The following NDRG3 variants were observed in gnomAD, a reference collection of about 807,000 sequenced individuals.
NDRG3 encodes NDRG family member 3, also known as protein NDRG3.
In NDRG3, 23 loss-of-function variants were observed where a neutral mutation model predicts 57.2. The observed-to-expected ratio is 0.40, with a 90% CI of 0.29 to 0.57. The LOEUF (loss-of-function observed/expected upper bound fraction) is 0.57. NDRG3 is among the 20% of genes least tolerant of loss of function. The pLI, the probability that NDRG3 is intolerant of heterozygous loss-of-function variation, is 0.42. For synonymous variants in NDRG3, 132 were observed against 162.6 expected (o/e 0.81, Z 1.43); for missense variants, 384 against 457.3 (o/e 0.84, Z 1.46).
intron 9 of NDRG3, among the ~76,000 whole-genome samples, chr20:36,670,599 A>G (rs959557415): frequency 6.6e-6 from 1 of 152,184 alleles, no homozygotes; most frequent in Non-Finnish European, 1.5e-5. Flanking sequence ...AGAACCATGT[A>G]AAAAACAACT....
intron 8 of NDRG3, among the ~76,000 whole-genome samples, chr20:36,680,344 G>A (rs371260224): frequency 1.5e-4 from 23 of 151,756 alleles, no homozygotes; most frequent in African/African-American, 4.6e-4. Context: ...AAAATTAGCC[G>A]GGCATGGTGG....
chr20:36,662,285 T>G (rs8184133), intron 12 of NDRG3, among the ~76,000 whole-genome samples: 3 of 151,598 alleles, frequency 2.0e-5, no homozygotes, highest in Admixed American at 6.6e-5. Context: ...TGGGGTGCAG[T>G]GGCACGATCT....
chr20:36,732,868 C>T (rs191939108), intron 1 of NDRG3, among the ~76,000 whole-genome samples: 14 of 151,840 alleles, frequency 9.2e-5, no homozygotes, highest in African/African-American at 2.2e-4. Context: ...ATTGCTTTGG[C>T]GAGGCAAGGT....
At chr20:36,656,271 T>TA (rs1241076193) in intron 15 of NDRG3, 89 bp downstream of exon 15, 1 of 1,282,760 alleles carries the variant, frequency 7.8e-7, no homozygotes, top group African/African-American at 1.5e-5. Flanking sequence ...CCACAGAGGT[T>TA]ATATCTCAAG....
chr20:36,702,887 C>T (rs1983326883), intron 3 of NDRG3, among the ~76,000 whole-genome samples: 2 of 151,958 alleles, frequency 1.3e-5, no homozygotes, highest in Admixed American at 1.3e-4. Context: ...TTTCTCCATG[C>T]TGGTCAGGCT....
Position 36,656,496 on chromosome 20 carries a change from C to T in NDRG3, c.894+1G>A. 2 of 1,614,138 alleles carry T rather than the reference C, an allele frequency of 1.2e-6. No homozygotes were observed. The highest frequency in any genetic ancestry group is 1.7e-6 in the Non-Finnish European group (2 of 1,179,988). On this transcript the variant is annotated splice_donor_variant, in intron 14 of 15. Transcript: ENST00000349004. LOFTEE classifies it high-confidence loss of function. ...GGGTGTTTAAAAAAAATTCTCCTTA[C>T]CTGAACTACCTGGGGCAGTCCCCCA...
intron 2 of NDRG3, among the ~76,000 whole-genome samples, chr20:36,715,002 GTGTGTA>G (rs1259535763): frequency 7.2e-3 from 285 of 39,446 alleles, no homozygotes; most frequent in Middle Eastern, 0.013. Context: ...GTGTGTGTGT[GTGTGTA>G]TATATATATA....
At chr20:36,680,421 G>A (rs1981162717) in intron 8 of NDRG3, among the ~76,000 whole-genome samples, 2 of 151,116 alleles carry the variant, frequency 1.3e-5, no homozygotes, top group South Asian at 4.2e-4. Context: ...GGAGGTGGAG[G>A]TTGCAGTGAG....
chr20:36,702,317 T>A (rs974733458), intron 3 of NDRG3, among the ~76,000 whole-genome samples: 3 of 152,036 alleles, frequency 2.0e-5, no homozygotes, highest in Admixed American at 1.3e-4. Context: ...TTTGTATTTT[T>A]AGTAGAGATG....
At chr20:36,712,410 T>TC (rs1983945566) in intron 2 of NDRG3, among the ~76,000 whole-genome samples, 1 of 140,820 alleles carries the variant, frequency 7.1e-6, no homozygotes, top group Non-Finnish European at 1.5e-5. Context: ...TTTTTTTTTT[T>TC]CCTGAGATAG....
intron 1 of NDRG3, among the ~76,000 whole-genome samples, chr20:36,726,914 C>CTTTT (rs34520989): frequency 1.6e-5 from 2 of 125,438 alleles, no homozygotes; most frequent in Non-Finnish European, 1.5e-5. Flanking sequence ...ATCTTTCTTT[C>CTTTT]TTTTTTTTTT....
rs934913298 is a variant in NDRG3, at chr20:36,688,682, T to C, written c.196A>G (p.Asn66Asp). ...AGGTGTAAAATAAAATACATACGGTTGAGGCCAATGTCATGATATGTTAGT... is the reference window on the plus strand; with the variant it reads ...AGGTGTAAAATAAAATACATACGGTCGAGGCCAATGTCATGATATGTTAGT... ...VILTYHDIGL[N>D]HKSCFNAFFN... The change falls in exon 4 of 16, where the codon AAC (asparagine) becomes GAC (aspartate). Residue 66 changes from asparagine (N) to aspartate (D), a missense_variant. Physicochemically the swap from Asn to Asp is conservative, Grantham distance 23. Transcript: ENST00000349004. The C allele has an allele frequency of 6.2e-7, 1 of 1,608,408 alleles. No individual in the cohort carries two copies. The highest frequency in any genetic ancestry group is 8.5e-7 in the Non-Finnish European group (1 of 1,174,774).
intron 13 of NDRG3, among the ~76,000 whole-genome samples, chr20:36,657,898 A>G (rs962938231): frequency 2.0e-5 from 3 of 152,216 alleles, no homozygotes; most frequent in Non-Finnish European, 4.4e-5. Context: ...AACACAGAAC[A>G]GTTCCCATAT....
chr20:36,664,894 G>T, intron 12 of NDRG3, 152 bp downstream of exon 12: 1 of 778,110 alleles, frequency 1.3e-6, no homozygotes, highest in Admixed American at 1.8e-5. Flanking sequence ...CCACTGTGTT[G>T]CCCAGGCTGG....
At chr20:36,702,232 G>T (rs543092873) in intron 3 of NDRG3, among the ~76,000 whole-genome samples, 1 of 151,874 alleles carries the variant, frequency 6.6e-6, no homozygotes, top group Non-Finnish European at 1.5e-5. Flanking sequence ...CGCCTCCTGG[G>T]TTCACGCCAT....
At chr20:36,725,233 G>T (rs1984851858) in intron 1 of NDRG3, among the ~76,000 whole-genome samples, 1 of 152,082 alleles carries the variant, frequency 6.6e-6, no homozygotes, top group Non-Finnish European at 1.5e-5. Context: ...GGAGGTGGAG[G>T]TTGCAGTAAG....
chr20:36,671,190 C>T, intron 9 of NDRG3, 151 bp downstream of exon 9: 1 of 640,320 alleles, frequency 1.6e-6, no homozygotes. Flanking sequence ...AAAGATTCAC[C>T]TTTGCAGGGC....
chr20:36,712,973 G>A (rs1317033678), intron 2 of NDRG3, among the ~76,000 whole-genome samples: 1 of 151,968 alleles, frequency 6.6e-6, no homozygotes, highest in Non-Finnish European at 1.5e-5. Context: ...ATAGCTCAGT[G>A]CAGCCTTGAC....
In NDRG3 at chr20:36,671,386, C is replaced by A; in HGVS notation, c.543G>T (p.Leu181=). 1.2e-6 allele frequency: 2 copies of A among 1,613,844 alleles called. No homozygotes were observed. The highest frequency in any genetic ancestry group is 2.2e-5 in the South Asian group (2 of 91,040). Residue 181 remains leucine, a synonymous_variant, in exon 9 of 16, where the codon CTG becomes CTT. Transcript: ENST00000349004. The part of the protein sequence containing the change: ...IDWAASKLSG[L]TTNVVDIILA... ...AAATAATGTCCACAACATTGGTTGT[C>A]AGGCCAGAGAGCTGAAAAGATAAAA...
Sources: gnomAD v4.1 joint callset for allele counts (sites outside exome capture counted in the v4.1 genomes callset) on GRCh38, gnomAD v4.1.1 for gene constraint, MANE v1.5 for transcripts, NCBI Gene and HGNC (gene_info 2026-07-23, HGNC 2026-07-21) for gene names.